Variants in SPMIP2 observed in about 807,000 individuals in gnomAD.
SPMIP2 encodes sperm microtubule inner protein 2, also known as protein SPMIP2.
the SPMIP2 span, among the ~76,000 whole-genome samples, chr4:159,064,600 T>C: frequency 6.6e-6 from 1 of 152,196 alleles, no homozygotes; most frequent in Non-Finnish European, 1.5e-5. Flanking sequence ...CCGTATTTCA[T>C]GTTAACTTTT....
chr4:158,986,321 T>C, the SPMIP2 span, among the ~76,000 whole-genome samples: 11 of 152,060 alleles, frequency 7.2e-5, no homozygotes, highest in African/African-American at 2.7e-4. Flanking sequence ...GAGCCCGCAT[T>C]GCCAAGTCAA....
the SPMIP2 span, among the ~76,000 whole-genome samples, chr4:158,997,161 C>T: frequency 6.6e-6 from 1 of 151,776 alleles, no homozygotes; most frequent in Non-Finnish European, 1.5e-5. Flanking sequence ...TTCTTTTCTC[C>T]TCTTTGGTCT....
the SPMIP2 span, among the ~76,000 whole-genome samples, chr4:158,901,388 G>T: frequency 6.6e-6 from 1 of 152,214 alleles, no homozygotes; most frequent in African/African-American, 2.4e-5. Flanking sequence ...CCCTTTGTGG[G>T]TAACCTGACC....
chr4:159,040,398 C>G, the SPMIP2 span, among the ~76,000 whole-genome samples: 1 of 152,028 alleles, frequency 6.6e-6, no homozygotes, highest in Admixed American at 6.6e-5. Flanking sequence ...GTCTTGATCT[C>G]CTGACCTCGT....
chr4:158,983,311 C>T, the SPMIP2 span, among the ~76,000 whole-genome samples: 17 of 151,594 alleles, frequency 1.1e-4, no homozygotes, highest in East Asian at 5.8e-4. Context: ...ATACAGAGAA[C>T]GCCACAGAGA....
chr4:159,076,810 GACATGC>G, the SPMIP2 span, among the ~76,000 whole-genome samples: 1 of 150,978 alleles, frequency 6.6e-6, no homozygotes, highest in Non-Finnish European at 1.5e-5. Context: ...TGGGATTACA[GACATGC>G]ATCACCATTC....
the SPMIP2 span, among the ~76,000 whole-genome samples, chr4:159,030,025 T>C: frequency 6.6e-6 from 1 of 152,234 alleles, no homozygotes; most frequent in Admixed American, 6.5e-5. Context: ...ACCAGCTAGA[T>C]ATATACTGTG....
chr4:158,902,120 GGATT>G, the SPMIP2 span, among the ~76,000 whole-genome samples: 1 of 152,002 alleles, frequency 6.6e-6, no homozygotes, highest in Non-Finnish European at 1.5e-5. Flanking sequence ...CCATCTTCAT[GGATT>G]TATCTACCTT....
At chr4:158,927,256 G>C in the SPMIP2 span, among the ~76,000 whole-genome samples, 1 of 152,032 alleles carries the variant, frequency 6.6e-6, no homozygotes, top group Non-Finnish European at 1.5e-5. Context: ...CTTTATCTCT[G>C]TAACAACTTT....
chr4:158,904,256 C>G, the SPMIP2 span, among the ~76,000 whole-genome samples: 1 of 152,136 alleles, frequency 6.6e-6, no homozygotes, highest in Non-Finnish European at 1.5e-5. Flanking sequence ...TATTTCTCTC[C>G]CTTTGCCTCC....
the SPMIP2 span, among the ~76,000 whole-genome samples, chr4:159,023,028 CAATAAAATAAAATAAAATAA>C: frequency 0.31 from 42,146 of 137,264 alleles, 6,736 homozygotes; most frequent in Admixed American, 0.36. Flanking sequence ...GACTCCATCT[CAATAAAATAAAATAAAATAA>C]AATAAAATAA....
At chr4:158,956,924 CTTTTT>C in the SPMIP2 span, among the ~76,000 whole-genome samples, 5 of 152,034 alleles carry the variant, frequency 3.3e-5, no homozygotes, top group Non-Finnish European at 7.4e-5. Context: ...GCTGATGTTT[CTTTTT>C]TATTTATTTA....
the SPMIP2 span, among the ~76,000 whole-genome samples, chr4:158,913,773 C>T: frequency 5.3e-5 from 8 of 150,824 alleles, no homozygotes; most frequent in East Asian, 4.0e-4. Flanking sequence ...TTCAAGGCTG[C>T]GGTGCACTAT....
At chr4:158,958,859 G>T in the SPMIP2 span, among the ~76,000 whole-genome samples, 1 of 152,204 alleles carries the variant, frequency 6.6e-6, no homozygotes, top group Admixed American at 6.5e-5. Context: ...AGGAGTTATA[G>T]ATGAGTCCAG....
chr4:158,963,294 T>A, the SPMIP2 span, among the ~76,000 whole-genome samples: 1 of 151,914 alleles, frequency 6.6e-6, no homozygotes, highest in Non-Finnish European at 1.5e-5. Flanking sequence ...TTGTTTTTTT[T>A]TTGTTTGTTT....
the SPMIP2 span, among the ~76,000 whole-genome samples, chr4:159,049,509 C>T: frequency 6.6e-5 from 10 of 152,132 alleles, no homozygotes; most frequent in African/African-American, 1.9e-4. Flanking sequence ...TTTTGATATA[C>T]GCAGACAACG....
chr4:158,903,425 C>A, the SPMIP2 span, among the ~76,000 whole-genome samples: 2 of 152,152 alleles, frequency 1.3e-5, no homozygotes, highest in African/African-American at 4.8e-5. Flanking sequence ...CCTATTCGGC[C>A]GTCTTGCCTT....
chr4:158,899,644 G>A, the SPMIP2 span, among the ~76,000 whole-genome samples: 1 of 152,296 alleles, frequency 6.6e-6, no homozygotes, highest in African/African-American at 2.4e-5. Flanking sequence ...GAGTAGAGGT[G>A]TTTATAGTAT....
At chr4:158,969,899 CAAG>C in the SPMIP2 span, among the ~76,000 whole-genome samples, 1 of 152,134 alleles carries the variant, frequency 6.6e-6, no homozygotes, top group East Asian at 1.9e-4. Flanking sequence ...TAGACTAAAA[CAAG>C]AAGTGACCAT....
Sources: allele counts gnomAD v4.1 joint callset (sites outside exome capture counted in the v4.1 genomes callset), GRCh38; gene constraint gnomAD v4.1.1; transcripts MANE v1.5; gene names NCBI Gene and HGNC (gene_info 2026-07-23, HGNC 2026-07-21).